The following PCMTD1 variants were observed in gnomAD, a reference collection of about 807,000 sequenced individuals.
PCMTD1 encodes protein-L-isoaspartate O-methyltransferase domain-containing protein 1.
Under a neutral mutation model 37.6 loss-of-function variants are expected in PCMTD1, and 12 were observed. That is an observed-to-expected ratio of 0.32 (90% CI 0.20 to 0.52). PCMTD1 has a LOEUF of 0.52. Ranked by LOEUF, PCMTD1 falls within the 20% of genes least tolerant of loss-of-function variation. PCMTD1 has a pLI of 0.97. For synonymous variants in PCMTD1, 117 were observed against 135.8 expected, an observed-to-expected ratio of 0.86 and a Z score of 0.96; for missense variants, 235 against 421.3, an observed-to-expected ratio of 0.56 and a Z score of 3.87.
chr8:51,866,527 G>A (rs1281567019), intron 1 of PCMTD1, among the ~76,000 whole-genome samples: 2 of 151,876 alleles, frequency 1.3e-5, no homozygotes, highest in Non-Finnish European at 2.9e-5. Flanking sequence ...ACACCATTAA[G>A]AAAGCACAGT....
chr8:51,846,202 C>G (rs113255851), intron 2 of PCMTD1, among the ~76,000 whole-genome samples: 2,464 of 152,314 alleles, frequency 0.016, 30 homozygotes, highest in South Asian at 0.033. Context: ...CTACCCCCAG[C>G]CAGTAGAGGC....
chr8:51,839,763 G>T, intron 3 of PCMTD1: 2 of 341,370 alleles, frequency 5.9e-6, no homozygotes, highest in Non-Finnish European at 8.3e-6. Flanking sequence ...TATTCCAGTG[G>T]AATAGAGAAA....
At chr8:51,822,157 G>A (rs1052865104) in intron 5 of PCMTD1, among the ~76,000 whole-genome samples, 3 of 152,308 alleles carry the variant, frequency 2.0e-5, no homozygotes, top group Non-Finnish European at 4.4e-5. Context: ...AAAGGTAAAT[G>A]AGCTTAGCAT....
chr8:51,865,984 C>T (rs2038549152), intron 1 of PCMTD1, among the ~76,000 whole-genome samples: 1 of 151,490 alleles, frequency 6.6e-6, no homozygotes, highest in African/African-American at 2.4e-5. Flanking sequence ...ACAAAATCAA[C>T]ACATAAAAGT....
intron 4 of PCMTD1, among the ~76,000 whole-genome samples, chr8:51,832,218 AT>A (rs2038007992): frequency 6.6e-6 from 1 of 152,258 alleles, no homozygotes; most frequent in Admixed American, 6.5e-5. Flanking sequence ...GTTTAACAAA[AT>A]ATTGATGAGG....
chr8:51,886,839 T>C (rs2038871306), intron 1 of PCMTD1, among the ~76,000 whole-genome samples: 1 of 152,212 alleles, frequency 6.6e-6, no homozygotes, highest in Non-Finnish European at 1.5e-5. Flanking sequence ...GTCAGAAGTC[T>C]GACACAGGCT....
At chr8:51,899,134 G>C, upstream of PCMTD1, 2 of 1,378,664 alleles carry the variant, frequency 1.5e-6, no homozygotes, top group African/African-American at 1.5e-5. Flanking sequence ...ACGGGCACAG[G>C]GGCAGCTCCC....
chr8:51,850,820 A>T lies in PCMTD1; in HGVS notation c.308-5057T>A, dbSNP rs947068393. ...ATTTTATTACTAATTTTAGTTAGAT[A>T]AAATAAGGTATCTTTATAAAGATTT... On this transcript the variant is annotated intron_variant, in intron 2 of 5. Coordinates refer to ENST00000522514, the MANE Select transcript of PCMTD1 (RefSeq NM_052937.4). 5.4e-4 allele frequency among the ~76,000 whole-genome samples: 82 copies of T among 152,188 alleles called. 1 individual carries two copies. The highest frequency in any genetic ancestry group is 1.2e-3 in the Non-Finnish European group (80 of 68,028).
intron 2 of PCMTD1, among the ~76,000 whole-genome samples, chr8:51,850,972 A>T (rs1444115038): frequency 6.6e-6 from 1 of 152,228 alleles, no homozygotes; most frequent in African/African-American, 2.4e-5. Flanking sequence ...AAAGGTGAAT[A>T]AAGGAAAAAG....
At chr8:51,853,410 G>C (rs1054534210) in intron 2 of PCMTD1, among the ~76,000 whole-genome samples, 6 of 151,962 alleles carry the variant, frequency 3.9e-5, no homozygotes, top group Non-Finnish European at 8.8e-5. Context: ...CAATTCTGTA[G>C]GTGCCAGCTC....
At chr8:51,830,539 G>C (rs536660656) in intron 5 of PCMTD1, among the ~76,000 whole-genome samples, 2 of 152,162 alleles carry the variant, frequency 1.3e-5, no homozygotes, top group East Asian at 1.9e-4. Context: ...TCTGCCTTTA[G>C]ACAACACTAT....
At chr8:51,879,824 T>C (rs559631453) in intron 1 of PCMTD1, among the ~76,000 whole-genome samples, 2 of 152,202 alleles carry the variant, frequency 1.3e-5, no homozygotes, top group Admixed American at 6.5e-5. Context: ...TTGCAACATG[T>C]GGCAAAGGGT....
intron 2 of PCMTD1, among the ~76,000 whole-genome samples, chr8:51,852,720 C>A (rs868670890): frequency 1.3e-5 from 2 of 151,928 alleles, no homozygotes; most frequent in Admixed American, 1.3e-4. Flanking sequence ...AATTTTCAGC[C>A]CTGTGATTAT....
rs2038321378 is a variant in PCMTD1 at position 51,852,408 on chromosome 8, T to C, written c.308-6645A>G. On this transcript the variant is annotated intron_variant, in intron 2 of 5. Transcript: ENST00000522514. ...ATGTTAAATCTATATTATCTGATGG[T>C]AGGGAATGATGCATACCACAGAAGT... 2.0e-5 allele frequency among the ~76,000 whole-genome samples: 3 copies of C among 152,234 alleles called. No individual in the cohort carries two copies. The South Asian group carries it at 6.2e-4, about 31-fold the overall frequency.
intron 1 of PCMTD1, among the ~76,000 whole-genome samples, chr8:51,865,679 A>C (rs2038544613): frequency 6.6e-6 from 1 of 152,126 alleles, no homozygotes; most frequent in African/African-American, 2.4e-5. Context: ...AGATACCTCA[A>C]CATAATAAAG....
At chr8:51,867,888 T>C (rs964409129) in intron 1 of PCMTD1, among the ~76,000 whole-genome samples, 8 of 152,108 alleles carry the variant, frequency 5.3e-5, no homozygotes, top group African/African-American at 1.9e-4. Context: ...AAATACGCTT[T>C]AGTAATCTTT....
At chr8:51,828,630 T>C (rs2037955783) in intron 5 of PCMTD1, among the ~76,000 whole-genome samples, 1 of 152,236 alleles carries the variant, frequency 6.6e-6, no homozygotes, top group Non-Finnish European at 1.5e-5. Context: ...ATCTGCTGTG[T>C]TGCCAGCATT....
At chr8:51,820,765 CATT>C in intron 5 of PCMTD1, 47 bp from the exon 6 acceptor site, 1 of 1,449,338 alleles carries the variant, frequency 6.9e-7, no homozygotes, top group Non-Finnish European at 9.1e-7. Context: ...AACAATAAAA[CATT>C]ATCTATTGTT....
intron 5 of PCMTD1, among the ~76,000 whole-genome samples, chr8:51,823,461 T>C (rs2037877338): frequency 6.6e-6 from 1 of 152,116 alleles, no homozygotes; most frequent in Admixed American, 6.6e-5. Flanking sequence ...TGAGACCCTG[T>C]CTCAAACAAT....
Sources: allele counts gnomAD v4.1 joint callset (sites outside exome capture counted in the v4.1 genomes callset), GRCh38; gene constraint gnomAD v4.1.1; transcripts MANE v1.5; gene names NCBI Gene and HGNC (gene_info 2026-07-23, HGNC 2026-07-21).